The following ORC5 variants were observed in gnomAD, a reference collection of about 807,000 sequenced individuals.
The protein encoded by ORC5 is origin recognition complex subunit 5, also known as protein phosphatase 1, regulatory subunit 117.
Under a neutral mutation model 58.8 loss-of-function variants are expected in ORC5, and 39 were observed. That is an observed-to-expected ratio of 0.66 (90% CI 0.51 to 0.87). The LOEUF (loss-of-function observed/expected upper bound fraction) is 0.87. Among genes scored for constraint, ORC5 ranks in the 40% least tolerant of loss-of-function variants. The pLI is 0.00. For synonymous variants in ORC5, 218 were observed against 177.6 expected (o/e 1.23, Z -1.81); for missense variants, 493 against 506.3 (o/e 0.97, Z 0.25).
Position 104,147,443 on chromosome 7 carries a change from G to T in ORC5, c.1150-10550C>A, listed in dbSNP as rs1298583112. 2.6e-5 allele frequency among the ~76,000 whole-genome samples: 4 copies of T among 151,322 alleles called. No individual in the cohort carries two copies. The South Asian group carries it at 8.4e-4, about 32-fold the overall frequency. The stretch of plus-strand genomic sequence containing the variant: ...TTCTGTTTTTATTTGTTTGTTTTGG[G>T]GCTATAAAAGCCAACTGCACTTCAA... On this transcript the variant is annotated intron_variant, in intron 12 of 13. Coordinates refer to ENST00000297431, the MANE Select transcript of ORC5 (RefSeq NM_002553.4).
chr7:104,169,957 C>T (rs957162173), intron 8 of ORC5, among the ~76,000 whole-genome samples: 17 of 152,146 alleles, frequency 1.1e-4, no homozygotes, highest in African/African-American at 4.1e-4. Context: ...GTTAGTTTCT[C>T]CAGTCATCTC....
At chr7:104,131,637 A>G (rs1483637994) in intron 13 of ORC5, among the ~76,000 whole-genome samples, 6 of 152,148 alleles carry the variant, frequency 3.9e-5, no homozygotes, top group Non-Finnish European at 8.8e-5. Context: ...GGATCACCTG[A>G]GGTCAGGGGT....
At chr7:104,203,907 A>T (rs112351205) in intron 2 of ORC5, among the ~76,000 whole-genome samples, 2,254 of 152,324 alleles carry the variant, frequency 0.015, 59 homozygotes, top group African/African-American at 0.051. Flanking sequence ...GAAGCAACAG[A>T]CTAAGTTTAT....
chr7:104,181,578 G>T (rs1799431234), intron 8 of ORC5, among the ~76,000 whole-genome samples: 1 of 151,974 alleles, frequency 6.6e-6, no homozygotes, highest in African/African-American at 2.4e-5. Context: ...GAGGTCAGGA[G>T]ATCAAGACCA....
chr7:104,203,670 A>C (rs1800001786), intron 2 of ORC5, among the ~76,000 whole-genome samples: 1 of 152,226 alleles, frequency 6.6e-6, no homozygotes, highest in African/African-American at 2.4e-5. Context: ...CCAAACTCTT[A>C]ACCACTGTGT....
intron 8 of ORC5, among the ~76,000 whole-genome samples, chr7:104,180,359 GTTTTTTA>G (rs1184004575): frequency 5.3e-5 from 8 of 152,040 alleles, no homozygotes; most frequent in African/African-American, 2.4e-5. Flanking sequence ...TTTCTTACTA[GTTTTTTA>G]TTTTTTATTA....
chr7:104,130,669 C>T (rs953817781), intron 13 of ORC5, among the ~76,000 whole-genome samples: 1 of 152,196 alleles, frequency 6.6e-6, no homozygotes, highest in African/African-American at 2.4e-5. Context: ...CCTCCAATAA[C>T]CTTTTCCACT....
In ORC5 at chr7:104,207,953, T is replaced by G. The variant is rs144106633; in HGVS notation, c.-49A>C. The G allele has an allele frequency of 1.3e-6, 2 of 1,561,702 alleles. No individual in the cohort carries two copies. The highest frequency in any genetic ancestry group is 2.7e-5 in the African/African-American group (2 of 73,740). On this transcript the variant is annotated 5_prime_UTR_variant, in exon 1 of 14. Transcript: ENST00000297431. ...CCAGTGCAGCCAGCCCACAGGACCC[T>G]TGCACAAGACGGAGCCTCTCCCGAG...
chr7:104,138,462 C>T lies in ORC5; in HGVS notation c.1150-1569G>A, dbSNP rs1479613955. On this transcript the variant is annotated intron_variant, in intron 12 of 13. Coordinates refer to ENST00000297431, the MANE Select transcript of ORC5 (RefSeq NM_002553.4). The surrounding 1 kb of genome is among the most constrained non-coding windows in gnomAD (Gnocchi z 4.7). ...TTAGATGAGAGATAAGAAATACATC[C>T]TTCAGACCTGGGCTTAGTCTTGGTT... 6.6e-6 allele frequency among the ~76,000 whole-genome samples: 1 copy of T among 151,802 alleles called. No homozygotes were observed. Among genetic ancestry groups the T allele is most frequent in the African/African-American group, 2.4e-5 (1 of 41,350 alleles).
At position 104,129,997 on chromosome 7, in the gene ORC5, T is replaced by C. The variant is rs992963541; in HGVS notation, c.1263-3104A>G. Reference sequence around the variant, plus strand: ...TGTTGATTCATTAAAATACTTTTTCTTTCTTTAGGATACTATTTTGTTTCC... The same window carrying C: ...TGTTGATTCATTAAAATACTTTTTCCTTCTTTAGGATACTATTTTGTTTCC... On this transcript the variant is annotated intron_variant, in intron 13 of 13. Coordinates refer to ENST00000297431, the MANE Select transcript of ORC5 (RefSeq NM_002553.4). This position sits in a 1 kb window ranked among gnomAD's most constrained non-coding sequence, Gnocchi z 4.9. Among the ~76,000 whole-genome samples, 1 of 152,220 alleles carries C rather than the reference T, an allele frequency of 6.6e-6. No individual in the cohort carries two copies. Among genetic ancestry groups the C allele is most frequent in the Non-Finnish European group, 1.5e-5 (1 of 68,038 alleles).
chr7:104,202,104 C>CAAAACA (rs1799959612), intron 2 of ORC5, among the ~76,000 whole-genome samples: 1 of 151,530 alleles, frequency 6.6e-6, no homozygotes, highest in East Asian at 1.9e-4. Context: ...CAAAACAAAA[C>CAAAACA]AAAAAAAACT....
chr7:104,137,031 T>A (rs1443051567), intron 12 of ORC5, 138 bp from the exon 13 acceptor site: 2 of 619,284 alleles, frequency 3.2e-6, no homozygotes, highest in African/African-American at 1.9e-5. Context: ...TACTTTGCAA[T>A]CTGTAAATAC....
intron 8 of ORC5, among the ~76,000 whole-genome samples, chr7:104,169,798 TTTCC>T (rs1347796277): frequency 6.6e-6 from 1 of 152,188 alleles, no homozygotes; most frequent in Non-Finnish European, 1.5e-5. Context: ...CCCTTTCTCT[TTTCC>T]TTCTTTTCCC....
intron 11 of ORC5, among the ~76,000 whole-genome samples, chr7:104,163,780 C>G (rs1799062667): frequency 6.6e-6 from 1 of 152,162 alleles, no homozygotes; most frequent in Non-Finnish European, 1.5e-5. Flanking sequence ...TGTGAGGCAC[C>G]CCGCCCAGCC....
At chr7:104,179,109 ATTT>A (rs34769476) in intron 8 of ORC5, among the ~76,000 whole-genome samples, 134 of 138,442 alleles carry the variant, frequency 9.7e-4, no homozygotes, top group African/African-American at 9.9e-4. Flanking sequence ...AGAAAAGTGA[ATTT>A]TTTTTTTTTT....
At chr7:104,197,195 G>A (rs1799820195) in intron 4 of ORC5, among the ~76,000 whole-genome samples, 1 of 152,136 alleles carries the variant, frequency 6.6e-6, no homozygotes, top group Non-Finnish European at 1.5e-5. Flanking sequence ...TGAAGGTAAG[G>A]AAGAACCTGC....
chr7:104,145,098 A>C (rs1331739118), intron 12 of ORC5, among the ~76,000 whole-genome samples: 1 of 152,218 alleles, frequency 6.6e-6, no homozygotes, highest in African/African-American at 2.4e-5. Context: ...GACAGTAAAT[A>C]TTGCTGAAAA....
intron 12 of ORC5, among the ~76,000 whole-genome samples, chr7:104,160,854 T>C (rs1451222511): frequency 6.6e-6 from 1 of 152,202 alleles, no homozygotes; most frequent in Non-Finnish European, 1.5e-5. Context: ...AATTAAATTA[T>C]TTGCCATGAG....
intron 12 of ORC5, among the ~76,000 whole-genome samples, chr7:104,152,839 T>C (rs1798867745): frequency 6.6e-6 from 1 of 152,230 alleles, no homozygotes; most frequent in Non-Finnish European, 1.5e-5. Flanking sequence ...TATTATTTTA[T>C]ACAAAAGTAG....
Sources: gnomAD v4.1 joint callset for allele counts (sites outside exome capture counted in the v4.1 genomes callset) on GRCh38, gnomAD v4.1.1 for gene constraint, Gnocchi (gnomAD v3.1) non-coding constraint, MANE v1.5 for transcripts, NCBI Gene and HGNC (gene_info 2026-07-23, HGNC 2026-07-21) for gene names.